Variants in MAP4 observed in about 807,000 individuals in gnomAD.
MAP4 encodes the protein microtubule associated protein 4, also known as microtubule-associated protein 4.
Under a neutral mutation model 170.2 loss-of-function variants are expected in MAP4, and 76 were observed. That is an observed-to-expected ratio of 0.45 (90% CI 0.37 to 0.54). The LOEUF is 0.54. MAP4 is among the 20% of genes least tolerant of loss of function. The pLI, the probability that MAP4 is intolerant of heterozygous loss-of-function variation, is 0.00. For missense variants in MAP4, 2,506 were observed against 2,748.0 expected (o/e 0.91, Z 1.97); for synonymous variants, 909 against 994.5 (o/e 0.91, Z 1.62).
At chr3:47,864,112 GA>G (rs2074998296) in intron 17 of MAP4, among the ~76,000 whole-genome samples, 1 of 152,050 alleles carries the variant, frequency 6.6e-6, no homozygotes, top group African/African-American at 2.4e-5. Flanking sequence ...TGAGAAGCTG[GA>G]ACCACAGGCA....
At chr3:48,073,546 G>A (rs922293039) in intron 1 of MAP4, among the ~76,000 whole-genome samples, 3 of 151,788 alleles carry the variant, frequency 2.0e-5, no homozygotes, top group African/African-American at 7.3e-5. Context: ...AGGAGGCGGA[G>A]GTTGCGGAGA....
At position 47,902,983 on chromosome 3, in the gene MAP4, T is replaced by C. The variant is rs1266673300; in HGVS notation, c.5401A>G (p.Thr1801Ala). Residue 1801 changes from threonine (T) to alanine (A), a missense_variant, in exon 10 of 21, where the codon ACT (threonine) becomes GCT (alanine). By Grantham distance (58) the Thr-to-Ala change is moderately conservative. Around this residue, in one of 3 missense-constraint regions of MAP4, gnomAD observed 2,008 missense variants for 2,206.0 expected, o/e 0.91. Coordinates refer to ENST00000683076, the MANE Select transcript of MAP4 (RefSeq NM_001385682.1). Reference sequence around the variant, plus strand: ...GACATTCCCAGCTGCTGGTAGACAGTTGATGAGCTCAAGCAAACTGAAGAA... The same window carrying C: ...GACATTCCCAGCTGCTGGTAGACAGCTGATGAGCTCAAGCAAACTGAAGAA... ...LKSAVCLSSS[T>A]VYQQLGMSVY... is the part of the protein sequence containing the mutation. The C allele has an allele frequency of 1.9e-5, 19 of 985,026 alleles. No individual in the cohort carries two copies. Among genetic ancestry groups the C allele is most frequent in the African/African-American group, 5.2e-5 (3 of 57,188 alleles). The allele number at this position is 985,026 out of a possible 1,614,324, so 61.0% of individuals were successfully genotyped here.
chr3:47,966,101 C>G (rs1034362814), intron 3 of MAP4, among the ~76,000 whole-genome samples: 24 of 152,038 alleles, frequency 1.6e-4, no homozygotes, highest in African/African-American at 5.3e-4. Flanking sequence ...GACAGGATTT[C>G]TCTCTGTCTC....
chr3:47,980,549 G>T, intron 2 of MAP4, among the ~76,000 whole-genome samples: 1 of 152,010 alleles, frequency 6.6e-6, no homozygotes, highest in East Asian at 1.9e-4. Flanking sequence ...TACTTAAGAG[G>T]AACAGCCAAA....
intron 17 of MAP4, among the ~76,000 whole-genome samples, chr3:47,865,984 C>T (rs1198071612): frequency 1.3e-5 from 2 of 152,160 alleles, no homozygotes; most frequent in African/African-American, 4.8e-5. Flanking sequence ...AGAGCTGGCA[C>T]ACAATGGCAG....
In MAP4 at chr3:47,855,554, C is replaced by T. The variant is rs565271394; in HGVS notation, c.6584-194G>A. Among the ~76,000 whole-genome samples the T allele has an allele frequency of 2.0e-5, 3 of 152,344 alleles. No individual in the cohort carries two copies. The highest frequency in any genetic ancestry group is 1.3e-4 in the Admixed American group (2 of 15,300). On this transcript the variant is annotated intron_variant, in intron 18 of 20. Coordinates refer to ENST00000683076, the MANE Select transcript of MAP4 (RefSeq NM_001385682.1). This position sits in a 1 kb window ranked among gnomAD's most constrained non-coding sequence, Gnocchi z 5.1. ...GTGAGGCTGAGACAATCTCTCCGTC[C>T]AGCCAGTGGGAATACCTCCAAGAAA...
Position 47,915,952 on chromosome 3 carries a change from T to A in MAP4, c.1875A>T (p.Pro625=). The A allele has an allele frequency of 6.2e-7, 1 of 1,608,102 alleles. No homozygotes were observed. The highest frequency in any genetic ancestry group is 8.5e-7 in the Non-Finnish European group (1 of 1,177,118). Residue 625 remains proline, a splice_region_variant and synonymous_variant, in exon 7 of 21, where the codon CCA becomes CCT. Transcript: ENST00000683076. ...QSAAPTFMIS[P]ETVTGTGKKC... ...CTGAGAATAAGCACAAGCACGTACC[T>A]GGTGAAATCATGAAAGTAGGTGCAG...
At chr3:48,040,992 G>T (rs921811100) in intron 1 of MAP4, among the ~76,000 whole-genome samples, 1 of 152,136 alleles carries the variant, frequency 6.6e-6, no homozygotes, top group African/African-American at 2.4e-5. Context: ...AAGCCACCAT[G>T]CCCAGCCAAT....
intron 1 of MAP4, among the ~76,000 whole-genome samples, chr3:48,061,503 G>A (rs1040277784): frequency 6.6e-6 from 1 of 152,168 alleles, no homozygotes; most frequent in Admixed American, 6.5e-5. Flanking sequence ...GCTCAATGTT[G>A]CCCAGGCTGG....
chr3:48,050,599 A>G (rs1316809022), intron 1 of MAP4, among the ~76,000 whole-genome samples: 1 of 143,560 alleles, frequency 7.0e-6, no homozygotes, highest in Non-Finnish European at 1.5e-5. Context: ...AATTTATCAT[A>G]AACTTAAAAA....
rs2096612555 is a variant in MAP4, at chr3:47,880,934, C to T, written c.5435-3411G>A. Among the ~76,000 whole-genome samples the T allele has an allele frequency of 2.0e-5, 3 of 152,272 alleles. No homozygotes were observed. In the South Asian group the frequency reaches 6.2e-4, roughly 32 times the overall value. On this transcript the variant is annotated intron_variant, in intron 10 of 20. Transcript: ENST00000683076. ...GCACTGTTACATCTTTACTAACATT[C>T]TGTCTAGTAGTTCTATCAACTGTTC...
intron 1 of MAP4, among the ~76,000 whole-genome samples, chr3:48,076,637 C>A (rs1490238106): frequency 1.3e-5 from 2 of 151,762 alleles, no homozygotes; most frequent in Admixed American, 6.6e-5. Context: ...AGATATCATG[C>A]CACTGCACTC....
Position 47,881,715 on chromosome 3 carries a change from T to A in MAP4, c.5435-4192A>T, listed in dbSNP as rs2096797177. Among the ~76,000 whole-genome samples, 4 of 151,412 alleles carry A rather than the reference T, an allele frequency of 2.6e-5. No individual in the cohort carries two copies. The South Asian group carries it at 8.3e-4, about 32-fold the overall frequency. On this transcript the variant is annotated intron_variant, in intron 10 of 20. Coordinates refer to ENST00000683076, the MANE Select transcript of MAP4 (RefSeq NM_001385682.1). Reference sequence around the variant, plus strand: ...TCTACCTCCTCGGTTCAAGTGATCCTCCTACCTCAGCTCCTGAATAGCTAG... The same window carrying A: ...TCTACCTCCTCGGTTCAAGTGATCCACCTACCTCAGCTCCTGAATAGCTAG...
chr3:47,906,068 G>T (rs2100032820), intron 9 of MAP4, among the ~76,000 whole-genome samples: 1 of 144,766 alleles, frequency 6.9e-6, no homozygotes, highest in Admixed American at 6.9e-5. Flanking sequence ...TCACCGATTA[G>T]ATCAGTACAC....
chr3:47,903,748 A>C (rs957508497), intron 9 of MAP4, among the ~76,000 whole-genome samples: 1 of 152,202 alleles, frequency 6.6e-6, no homozygotes, highest in Non-Finnish European at 1.5e-5. Context: ...CCTACTTCTA[A>C]ACAGGGTAAG....
In MAP4 at chr3:47,918,860, C is replaced by A; in HGVS notation, c.530-19G>T. On this transcript the variant is annotated intron_variant, in intron 5 of 20. Coordinates refer to ENST00000683076, the MANE Select transcript of MAP4 (RefSeq NM_001385682.1). ...GACATACCTAATATTGAAACACAAACAAATACATTTTGAAACTTAGTAAAC... is the reference window on the plus strand; with the variant it reads ...GACATACCTAATATTGAAACACAAAAAAATACATTTTGAAACTTAGTAAAC... The A allele has an allele frequency of 6.3e-7, 1 of 1,599,828 alleles. No individual in the cohort carries two copies. Among genetic ancestry groups the A allele is most frequent in the Non-Finnish European group, 8.5e-7 (1 of 1,170,506 alleles).
At chr3:48,060,634 C>A (rs1559879989) in intron 1 of MAP4, among the ~76,000 whole-genome samples, 1 of 151,864 alleles carries the variant, frequency 6.6e-6, no homozygotes. Context: ...TATACAGAGG[C>A]CAGGCGCAGT....
At chr3:48,059,573 G>T (rs2100134073) in intron 1 of MAP4, among the ~76,000 whole-genome samples, 1 of 149,994 alleles carries the variant, frequency 6.7e-6, no homozygotes, top group Admixed American at 6.6e-5. Context: ...TACAATAATG[G>T]CAAGCCATAC....
At chr3:47,933,625 G>C (rs1389530387) in intron 3 of MAP4, among the ~76,000 whole-genome samples, 1 of 136,702 alleles carries the variant, frequency 7.3e-6, no homozygotes, top group Admixed American at 7.9e-5. Flanking sequence ...TTTTGAGACA[G>C]AGTCTTGCTC....
Sources: allele counts gnomAD v4.1 joint callset (sites outside exome capture counted in the v4.1 genomes callset), GRCh38; gene constraint gnomAD v4.1.1; regional missense constraint gnomAD v4.1.1; non-coding constraint Gnocchi (gnomAD v3.1); transcripts MANE v1.5; gene names NCBI Gene and HGNC (gene_info 2026-07-23, HGNC 2026-07-21).